UGT1A10: variants seen among roughly 807,000 people sequenced by gnomAD.
UGT1A10 encodes UDP glucuronosyltransferase family 1 member A10.
Under a neutral mutation model 45.8 loss-of-function variants are expected in UGT1A10, and 49 were observed. That is an observed-to-expected ratio of 1.07 (90% confidence interval 0.85 to 1.36). The LOEUF (loss-of-function observed/expected upper bound fraction) is 1.36. Among genes scored for constraint, UGT1A10 ranks in the 40% most tolerant of loss-of-function variants. The pLI is 0.00. For synonymous variants in UGT1A10, 284 were observed against 249.7 expected (o/e 1.14, Z -1.29); for missense variants, 745 against 668.6 (o/e 1.11, Z -1.26).
At chr2:233,672,479 A>G (rs201310933) in intron 1 of UGT1A10, 3 of 1,613,836 alleles carry the variant, frequency 1.9e-6, no homozygotes, top group African/African-American at 1.3e-5. Flanking sequence ...GAAGGTGCAC[A>G]GTGCCCTGCT....
At chr2:233,761,196 T>G (rs761284519) in intron 1 of UGT1A10, 1 of 1,614,142 alleles carries the variant, frequency 6.2e-7, no homozygotes. Context: ...TTCTTTCAGA[T>G]GTATTACTTT....
chr2:233,736,376 CT>C (rs2078756074), intron 1 of UGT1A10, among the ~76,000 whole-genome samples: 1 of 152,200 alleles, frequency 6.6e-6, no homozygotes, highest in Non-Finnish European at 1.5e-5. Context: ...CATTTAAGGT[CT>C]TCTCTACAGT....
intron 1 of UGT1A10, among the ~76,000 whole-genome samples, chr2:233,728,438 T>G (rs767201537): frequency 1.4e-4 from 22 of 152,276 alleles, no homozygotes; most frequent in Non-Finnish European, 2.1e-4. Context: ...CCATGGTGTA[T>G]ATGGAGAATC....
At chr2:233,719,126 A>C (rs771877893) in intron 1 of UGT1A10, 16 of 1,614,152 alleles carry the variant, frequency 9.9e-6, no homozygotes, top group Non-Finnish European at 1.4e-5. Context: ...GGTTCTTTGA[A>C]ACAGAACATC....
rs538829256 is a variant in UGT1A10 at position 233,747,779 on chromosome 2, T to C, written c.856-19255T>C. 9.3e-4 allele frequency: 1,506 copies of C among 1,613,500 alleles called. 1 individual carries two copies. The highest frequency in any genetic ancestry group is 1.2e-3 in the Non-Finnish European group (1,364 of 1,179,858). On this transcript the variant is annotated intron_variant, in intron 1 of 4. Coordinates refer to ENST00000344644, the MANE Select transcript of UGT1A10 (RefSeq NM_019075.4). ...ACTTTAAGGGCACACAGTGTCCAAA[T>C]CCTTCCTCCTATATTCCTAAGTTAC...
chr2:233,747,353 C>G, intron 1 of UGT1A10: 1 of 1,602,858 alleles, frequency 6.2e-7, no homozygotes, highest in Non-Finnish European at 8.5e-7. Flanking sequence ...TGCGGGAGGC[C>G]GTGCGGGAGC....
chr2:233,757,194 T>A (rs1696434308), intron 1 of UGT1A10, among the ~76,000 whole-genome samples: 1 of 150,834 alleles, frequency 6.6e-6, no homozygotes, highest in Non-Finnish European at 1.5e-5. Context: ...GACTCTGAAT[T>A]TTCTGTGCCC....
chr2:233,648,155 C>A, intron 1 of UGT1A10: 1 of 1,180,360 alleles, frequency 8.5e-7, no homozygotes, highest in Non-Finnish European at 1.2e-6. Flanking sequence ...CGCTTATTTT[C>A]TCTATTAATG....
At position 233,695,130 on chromosome 2, in the gene UGT1A10, C is replaced by CTTTCTTT. The variant is rs1364557158; in HGVS notation, c.855+57756_855+57757insCTTTTTT. ...GCCCATTAACCAACCCTTTTCTTTT[C>CTTTCTTT]TTTTTTTTTTTTTTGAGACAGAGTC... On this transcript the variant is annotated intron_variant, in intron 1 of 4. Transcript: ENST00000344644. Among the ~76,000 whole-genome samples the CTTTCTTT allele has an allele frequency of 8.6e-5, 12 of 138,836 alleles. 2 individuals are homozygous for CTTTCTTT. Among genetic ancestry groups the CTTTCTTT allele is most frequent in the Admixed American group, 1.4e-4 (2 of 14,118 alleles). 91.1% of individuals were successfully genotyped at this position (138,836 alleles called of 152,430 possible).
intron 2 of UGT1A10, 81 bp from the exon 3 acceptor site, chr2:233,767,768 G>T: frequency 6.2e-7 from 1 of 1,610,138 alleles, no homozygotes. Context: ...GAGGACCCCT[G>T]TTTTCTAGTT....
chr2:233,637,814 G>A (rs984425704), intron 1 of UGT1A10, among the ~76,000 whole-genome samples: 14 of 151,942 alleles, frequency 9.2e-5, no homozygotes, highest in African/African-American at 2.9e-4. Flanking sequence ...TCTAGTATTG[G>A]GCTGAACATA....
intron 2 of UGT1A10, among the ~76,000 whole-genome samples, chr2:233,767,541 T>C (rs1036019963): frequency 7.9e-4 from 120 of 152,396 alleles, no homozygotes; most frequent in African/African-American, 2.8e-3. Context: ...ATTTCTGCTC[T>C]TATAGTTCTG....
At chr2:233,643,438 C>A (rs2073512208) in intron 1 of UGT1A10, among the ~76,000 whole-genome samples, 1 of 152,060 alleles carries the variant, frequency 6.6e-6, no homozygotes, top group Non-Finnish European at 1.5e-5. Flanking sequence ...GAGACTTGCC[C>A]TTCAAGGCAG....
chr2:233,705,895 C>G (rs1312071295), intron 1 of UGT1A10, among the ~76,000 whole-genome samples: 1 of 152,094 alleles, frequency 6.6e-6, no homozygotes, highest in Non-Finnish European at 1.5e-5. Context: ...CAAGACTGCC[C>G]TGGCCAAAAT....
At chr2:233,723,516 CTTTTTTTT>C (rs1162916866) in intron 1 of UGT1A10, among the ~76,000 whole-genome samples, 9 of 85,406 alleles carry the variant, frequency 1.1e-4, no homozygotes, top group African/African-American at 3.9e-4. Context: ...GGTCAACAAT[CTTTTTTTT>C]TTTTTTTTTT....
chr2:233,656,435 A>G (rs1410267569), intron 1 of UGT1A10, among the ~76,000 whole-genome samples: 2 of 152,208 alleles, frequency 1.3e-5, no homozygotes, highest in African/African-American at 4.8e-5. Flanking sequence ...TCAGTTAGTC[A>G]GTGTCCGGTG....
At chr2:233,762,313 T>A (rs1035982374) in intron 1 of UGT1A10, among the ~76,000 whole-genome samples, 5 of 152,234 alleles carry the variant, frequency 3.3e-5, no homozygotes, top group Admixed American at 3.3e-4. Context: ...AGTTAATGGG[T>A]CGAGAGTAAT....
chr2:233,701,567 A>T (rs2075636367), intron 1 of UGT1A10, among the ~76,000 whole-genome samples: 1 of 152,072 alleles, frequency 6.6e-6, no homozygotes. Flanking sequence ...CACCACACCT[A>T]CTCCAAAATT....
At chr2:233,642,315 C>T (rs2073473534) in intron 1 of UGT1A10, among the ~76,000 whole-genome samples, 1 of 152,180 alleles carries the variant, frequency 6.6e-6, no homozygotes, top group South Asian at 2.1e-4. Context: ...ATGCATTCTT[C>T]ATTATGCCGA....
Sources: gnomAD v4.1 joint callset for allele counts (sites outside exome capture counted in the v4.1 genomes callset) on GRCh38, gnomAD v4.1.1 for gene constraint, MANE v1.5 for transcripts, NCBI Gene and HGNC (gene_info 2026-07-23, HGNC 2026-07-21) for gene names.